Variants in WRN observed in about 807,000 individuals in gnomAD.
WRN encodes bifunctional 3'-5' exonuclease/ATP-dependent helicase WRN.
A neutral mutation model predicts 180.7 loss-of-function variants in WRN; 149 were observed. The ratio of observed to expected loss-of-function variants is 0.82; its 90% CI spans 0.72 to 0.94. The LOEUF (loss-of-function observed/expected upper bound fraction) is 0.94. WRN is among the 40% of genes least tolerant of loss of function. WRN has a pLI of 0.00. For missense variants in WRN, 1,661 were observed against 1,700.1 expected (o/e 0.98, Z 0.40); for synonymous variants, 548 against 568.9 (o/e 0.96, Z 0.52).
intron 24 of WRN, among the ~76,000 whole-genome samples, chr8:31,139,689 G>T (rs1206525119): frequency 6.6e-6 from 1 of 152,186 alleles, no homozygotes; most frequent in Non-Finnish European, 1.5e-5. Flanking sequence ...GCTCATCATT[G>T]TATGCTGGGT....
intron 34 of WRN, among the ~76,000 whole-genome samples, chr8:31,169,824 G>A (rs963314879): frequency 9.2e-5 from 14 of 152,184 alleles, no homozygotes; most frequent in African/African-American, 3.4e-4. Flanking sequence ...GGTTTCTCCT[G>A]AATGTGGAGC....
intron 34 of WRN, 40 bp from the exon 35 acceptor site, chr8:31,172,955 G>T (rs1453769872): frequency 6.3e-6 from 10 of 1,595,250 alleles, no homozygotes; most frequent in Non-Finnish European, 7.7e-6. Context: ...CTTCTCAGTA[G>T]TACAAAGATT....
intron 1 of WRN, among the ~76,000 whole-genome samples, chr8:31,038,842 C>T (rs1021090658): frequency 6.6e-6 from 1 of 152,148 alleles, no homozygotes; most frequent in Non-Finnish European, 1.5e-5. Context: ...ATTCTTTCCC[C>T]ACTGAATGGA....
chr8:31,139,966 T>G (rs1802544333), intron 24 of WRN, among the ~76,000 whole-genome samples: 1 of 149,450 alleles, frequency 6.7e-6, no homozygotes, highest in Non-Finnish European at 1.5e-5. Flanking sequence ...TAAATAAGAG[T>G]AATTTGCCAT....
intron 23 of WRN, chr8:31,131,606 T>A (rs907608646): frequency 7.8e-5 from 12 of 153,074 alleles, no homozygotes; most frequent in African/African-American, 2.9e-4. Flanking sequence ...AATGTGCAGA[T>A]GTGTCTGGTT....
intron 18 of WRN, among the ~76,000 whole-genome samples, chr8:31,102,490 A>G (rs907347629): frequency 6.6e-6 from 1 of 152,210 alleles, no homozygotes; most frequent in Admixed American, 6.5e-5. Flanking sequence ...CCTAGGCTAT[A>G]TGATAGAGCC....
chr8:31,114,296 C>T (rs1036329326), intron 19 of WRN, among the ~76,000 whole-genome samples: 1 of 151,946 alleles, frequency 6.6e-6, no homozygotes, highest in Non-Finnish European at 1.5e-5. Context: ...TTGTTAAAGT[C>T]TTAATTATAA....
Position 31,123,018 on chromosome 8 carries a change from TACTC to T in WRN, c.2631-1501_2631-1498del, listed in dbSNP as rs1305205391. On this transcript the variant is annotated intron_variant, in intron 21 of 34. Transcript: ENST00000298139. ...GCATTTTCACTTTCTATGTTTTAGT[TACTC>T]ACAACCACGTCCAAAATGTTAAATA... Among the ~76,000 whole-genome samples the T allele has an allele frequency of 4.6e-5, 7 of 152,138 alleles. 1 individual carries two copies. The highest frequency in any genetic ancestry group is 2.1e-4 in the South Asian group (1 of 4,816).
chr8:31,130,031 A>C (rs982843981), intron 23 of WRN, among the ~76,000 whole-genome samples: 14 of 150,896 alleles, frequency 9.3e-5, no homozygotes, highest in East Asian at 5.8e-4. Flanking sequence ...AAAACAAAAA[A>C]AAAAACTAGT....
intron 12 of WRN, 104 bp downstream of exon 12, chr8:31,088,024 A>T: frequency 6.5e-7 from 1 of 1,535,418 alleles, no homozygotes; most frequent in African/African-American, 1.4e-5. Flanking sequence ...ACTTTGTGGC[A>T]TATAGTTAAT....
chr8:31,046,579 C>A (rs990673257), intron 1 of WRN, among the ~76,000 whole-genome samples: 1 of 152,172 alleles, frequency 6.6e-6, no homozygotes, highest in Non-Finnish European at 1.5e-5. Flanking sequence ...CTGCATTTTT[C>A]CAATCTCTTC....
At chr8:31,109,461 G>A (rs900456326) in intron 18 of WRN, among the ~76,000 whole-genome samples, 2 of 152,034 alleles carry the variant, frequency 1.3e-5, no homozygotes, top group Non-Finnish European at 2.9e-5. Flanking sequence ...TTTTTAAGTT[G>A]GAAGGGTCTA....
In WRN at chr8:31,090,389, A is replaced by C. The variant is rs1813699486; in HGVS notation, c.1653-76A>C. 2.1e-6 allele frequency: 3 copies of C among 1,402,226 alleles called. No individual in the cohort carries two copies. In the African/African-American group the frequency reaches 4.3e-5, roughly 20 times the overall value. 86.9% of individuals were successfully genotyped at this position (1,402,226 alleles called of 1,614,324 possible). On this transcript the variant is annotated intron_variant, in intron 13 of 34. Transcript: ENST00000298139. ...ATAAATTCTATGAGAGGAAATGAAA[A>C]ATTGAATGGATTTTAATTTGTACCT... is the stretch of plus-strand genomic sequence containing the variant.
intron 1 of WRN, 57 bp from the exon 2 acceptor site, chr8:31,058,315 A>C: frequency 1.3e-6 from 1 of 745,310 alleles, no homozygotes; most frequent in East Asian, 2.7e-5. Flanking sequence ...AGGTGTCATA[A>C]CTTACTTTAA....
rs770793076 is a variant in WRN at position 31,141,705 on chromosome 8, A to G, written c.3163A>G (p.Asn1055Asp). The G allele has an allele frequency of 1.2e-6, 2 of 1,614,192 alleles. No individual in the cohort carries two copies. The highest frequency in any genetic ancestry group is 1.7e-6 in the Non-Finnish European group (2 of 1,180,034). ...KKGRNWLHKA[N>D]TESQSLILQA... Reference sequence around the variant, plus strand: ...GGGTAGAAATTGGCTTCATAAAGCTAATACAGAATCTCAGAGCCTCATCCT... The same window carrying G: ...GGGTAGAAATTGGCTTCATAAAGCTGATACAGAATCTCAGAGCCTCATCCT... Residue 1055 changes from asparagine (N) to aspartate (D), a missense_variant, in exon 26 of 35, where the codon AAT becomes GAT. This residue lies in a region of WRN where 1,141 missense variants were observed against 1,149.4 expected (regional missense o/e 0.99). Coordinates refer to ENST00000298139, the MANE Select transcript of WRN (RefSeq NM_000553.6).
chr8:31,048,767 A>G (rs928076002), intron 1 of WRN, among the ~76,000 whole-genome samples: 5 of 152,254 alleles, frequency 3.3e-5, no homozygotes, highest in African/African-American at 9.6e-5. Context: ...AATGAAAATT[A>G]GGGTATTGAC....
chr8:31,160,552 G>C (rs1437984397), intron 33 of WRN, among the ~76,000 whole-genome samples: 1 of 152,202 alleles, frequency 6.6e-6, no homozygotes, highest in Non-Finnish European at 1.5e-5. Flanking sequence ...TAGCGTTTTA[G>C]GGAAAGCCAA....
intron 21 of WRN, 119 bp from the exon 22 acceptor site, chr8:31,124,403 C>A: frequency 1.3e-6 from 1 of 745,768 alleles, no homozygotes; most frequent in Non-Finnish European, 2.2e-6. Context: ...GTTTTTTTAT[C>A]TTGATGGGGT....
intron 1 of WRN, among the ~76,000 whole-genome samples, chr8:31,042,325 C>G (rs761811774): frequency 6.6e-6 from 1 of 152,048 alleles, no homozygotes; most frequent in Non-Finnish European, 1.5e-5. Context: ...ATCTACTAGA[C>G]AAGTAGTGGG....
Sources: gnomAD v4.1 joint callset for allele counts (sites outside exome capture counted in the v4.1 genomes callset) on GRCh38, gnomAD v4.1.1 for gene constraint, gnomAD v4.1.1 regional missense constraint, MANE v1.5 for transcripts, NCBI Gene and HGNC (gene_info 2026-07-23, HGNC 2026-07-21) for gene names.